The following CNTNAP2 variants were observed in gnomAD, a reference collection of about 807,000 sequenced individuals.
CNTNAP2 encodes contactin-associated protein-like 2.
CNTNAP2 carries 98 observed loss-of-function variants against 155.2 expected under a neutral mutation model. That is an observed-to-expected ratio of 0.63 (90% confidence interval 0.54 to 0.75). The LOEUF is 0.75. CNTNAP2 is among the 30% of genes least tolerant of loss of function. The probability of loss-of-function intolerance (pLI) is 0.00; values close to 1 mark genes in which losing one functional copy is unlikely to be tolerated. For synonymous variants in CNTNAP2, 651 were observed against 631.2 expected (o/e 1.03, Z -0.47); for missense variants, 1,727 against 1,688.1 (o/e 1.02, Z -0.40).
intron 10 of CNTNAP2, among the ~76,000 whole-genome samples, chr7:147,474,094 TAAAAATA>T (rs144811732): frequency 0.13 from 19,997 of 151,256 alleles, 1,466 homozygotes; most frequent in East Asian, 0.29. Flanking sequence ...AAAAAATAAA[TAAAAATA>T]AAAAATAAAA....
At chr7:147,777,482 T>C (rs946031831) in intron 13 of CNTNAP2, among the ~76,000 whole-genome samples, 1 of 152,204 alleles carries the variant, frequency 6.6e-6, no homozygotes, top group Non-Finnish European at 1.5e-5. Context: ...AGAGCAATCC[T>C]GGGAGCCCGG....
chr7:148,302,568 G>T (rs906818051), intron 21 of CNTNAP2, among the ~76,000 whole-genome samples: 3 of 152,112 alleles, frequency 2.0e-5, no homozygotes, highest in Admixed American at 1.3e-4. Context: ...ATGTGTCAAG[G>T]GGGGACCTGG....
intron 1 of CNTNAP2, among the ~76,000 whole-genome samples, chr7:146,596,636 A>G (rs980460946): frequency 6.8e-6 from 1 of 146,004 alleles, no homozygotes; most frequent in Admixed American, 6.8e-5. Context: ...AGAGAGAGAG[A>G]GAGAAATTGT....
Position 147,627,417 on chromosome 7 carries a change from G to A in CNTNAP2, c.1898-11689G>A, listed in dbSNP as rs187821309. Reference sequence around the variant, plus strand: ...ACAAACTTAAAGATATTAAAACAAGGTGGGGCATGGTGGCTCACGCCTGAA... The same window carrying A: ...ACAAACTTAAAGATATTAAAACAAGATGGGGCATGGTGGCTCACGCCTGAA... On this transcript the variant is annotated intron_variant, in intron 12 of 23. Transcript: ENST00000361727. Among the ~76,000 whole-genome samples, 25 of 152,226 alleles carry A rather than the reference G, an allele frequency of 1.6e-4. 1 individual carries two copies. The East Asian group carries it at 3.9e-3, about 24-fold the overall frequency.
At chr7:146,971,641 C>T (rs1259463207) in intron 3 of CNTNAP2, among the ~76,000 whole-genome samples, 3 of 152,078 alleles carry the variant, frequency 2.0e-5, no homozygotes, top group Admixed American at 6.6e-5. Context: ...GGTGAGGGTC[C>T]TTTTCTGTGC....
chr7:146,658,384 CA>C (rs200493732), intron 1 of CNTNAP2, among the ~76,000 whole-genome samples: 7,523 of 139,562 alleles, frequency 0.054, 209 homozygotes, highest in African/African-American at 0.078. Context: ...TGATTTCTGC[CA>C]AAAAAAAAAA....
At chr7:148,051,481 A>AT (rs1421876551) in intron 15 of CNTNAP2, among the ~76,000 whole-genome samples, 1 of 152,092 alleles carries the variant, frequency 6.6e-6, no homozygotes, top group Non-Finnish European at 1.5e-5. Flanking sequence ...TTAAAGATAA[A>AT]TACAAAGCCA....
chr7:148,374,622 G>A (rs1365062813), intron 21 of CNTNAP2, among the ~76,000 whole-genome samples: 3 of 152,108 alleles, frequency 2.0e-5, no homozygotes, highest in African/African-American at 7.2e-5. Context: ...TAGCAGAAGC[G>A]GAGCACACAC....
chr7:147,539,474 T>C (rs3915303), intron 11 of CNTNAP2, among the ~76,000 whole-genome samples: 34,916 of 152,026 alleles, frequency 0.23, 4,799 homozygotes, highest in Non-Finnish European at 0.31. Flanking sequence ...AGTGACGCTA[T>C]CCACTCACTA....
chr7:147,709,564 A>G (rs749933082), intron 13 of CNTNAP2, among the ~76,000 whole-genome samples: 6 of 152,176 alleles, frequency 3.9e-5, no homozygotes, highest in Non-Finnish European at 5.9e-5. Flanking sequence ...GATTGGGTTT[A>G]TTCTAGAAGA....
At chr7:146,862,227 G>A (rs752561268) in intron 3 of CNTNAP2, among the ~76,000 whole-genome samples, 2 of 152,058 alleles carry the variant, frequency 1.3e-5, no homozygotes, top group Non-Finnish European at 2.9e-5. Flanking sequence ...AAAGTACTTA[G>A]CGTTTGATAT....
intron 16 of CNTNAP2, among the ~76,000 whole-genome samples, chr7:148,119,300 G>C (rs1804547548): frequency 6.6e-6 from 1 of 151,698 alleles, no homozygotes; most frequent in South Asian, 2.1e-4. Context: ...GATTTGGGTG[G>C]ATCACGAGGT....
intron 1 of CNTNAP2, among the ~76,000 whole-genome samples, chr7:146,746,758 A>G (rs1426256698): frequency 6.6e-6 from 1 of 152,172 alleles, no homozygotes; most frequent in Non-Finnish European, 1.5e-5. Flanking sequence ...TTAGATCAAA[A>G]GCATTTGCCA....
intron 2 of CNTNAP2, among the ~76,000 whole-genome samples, chr7:146,822,907 A>G (rs189214579): frequency 0.042 from 5,931 of 141,616 alleles, 341 homozygotes; most frequent in African/African-American, 0.15. Context: ...AAATATACTC[A>G]TTCTTCAGCA....
At chr7:147,473,498 C>T (rs1400580812) in intron 10 of CNTNAP2, among the ~76,000 whole-genome samples, 1 of 151,678 alleles carries the variant, frequency 6.6e-6, no homozygotes, top group Admixed American at 6.6e-5. Flanking sequence ...GGTCCAATTA[C>T]CTTCCTGAAT....
At chr7:147,007,270 T>A (rs935835629) in intron 3 of CNTNAP2, among the ~76,000 whole-genome samples, 21 of 152,106 alleles carry the variant, frequency 1.4e-4, no homozygotes, top group African/African-American at 5.1e-4. Flanking sequence ...AGCCTAACCA[T>A]AAGCCCAGAT....
chr7:146,815,654 A>G (rs755344636), intron 2 of CNTNAP2, among the ~76,000 whole-genome samples: 10 of 152,224 alleles, frequency 6.6e-5, no homozygotes, highest in Non-Finnish European at 8.8e-5. Context: ...TACTTAGTAA[A>G]TATTTCATAG....
At chr7:147,132,171 C>A in intron 7 of CNTNAP2, 74 bp from the exon 8 acceptor site, 1 of 1,582,626 alleles carries the variant, frequency 6.3e-7, no homozygotes, top group Non-Finnish European at 8.6e-7. Context: ...TAGAACTATA[C>A]TTTCATCAGT....
intron 21 of CNTNAP2, among the ~76,000 whole-genome samples, chr7:148,290,992 G>T (rs1797178906): frequency 1.3e-5 from 2 of 152,158 alleles, no homozygotes; most frequent in African/African-American, 4.8e-5. Context: ...TTTTGGTGTT[G>T]CTTTGGCACC....
Sources: gnomAD v4.1 joint callset for allele counts (sites outside exome capture counted in the v4.1 genomes callset) on GRCh38, gnomAD v4.1.1 for gene constraint, MANE v1.5 for transcripts, NCBI Gene and HGNC (gene_info 2026-07-23, HGNC 2026-07-21) for gene names.